Variants in ADCY3 observed in about 807,000 individuals in gnomAD.
ADCY3 encodes adenylate cyclase 3.
Under a neutral mutation model 119.4 loss-of-function variants are expected in ADCY3, and 70 were observed. That is an observed-to-expected ratio of 0.59 (90% confidence interval 0.48 to 0.72). ADCY3 has a LOEUF of 0.72. Ranked by LOEUF, ADCY3 falls within the 30% of genes least tolerant of loss-of-function variation. The pLI is 0.00. For missense variants in ADCY3, 1,238 were observed against 1,541.6 expected (o/e 0.80, Z 3.30); for synonymous variants, 672 against 621.4 (o/e 1.08, Z -1.21).
At chr2:24,916,431 C>G (rs543894455) in intron 2 of ADCY3, among the ~76,000 whole-genome samples, 3 of 152,338 alleles carry the variant, frequency 2.0e-5, no homozygotes, top group African/African-American at 7.2e-5. Flanking sequence ...CGCCTGTAAT[C>G]CCAGCACTTT....
intron 2 of ADCY3, among the ~76,000 whole-genome samples, chr2:24,913,350 G>A (rs1045579993): frequency 6.6e-6 from 1 of 152,224 alleles, no homozygotes. Flanking sequence ...TGGGGAGAAG[G>A]GGGTGCCTCC....
rs200250709 is a variant in ADCY3 at position 24,918,900 on chromosome 2, G to A, written c.88C>T (p.Arg30Cys). ...YSVSLPSDPD[R>C]GVGRTHEISV... ...ATTTCATGGGTCCGGCCCACCCCGC[G>A]GTCAGGGTCGGAGGGCAGGCTGACG... Residue 30 changes from arginine to cysteine, a missense_variant, in exon 2 of 22, where the codon CGC becomes TGC. This residue lies in a region of ADCY3 where 227 missense variants were observed against 249.3 expected (regional missense o/e 0.91). Coordinates refer to ENST00000679454, the MANE Select transcript of ADCY3 (RefSeq NM_004036.5). The surrounding 1 kb of genome is among the most constrained non-coding windows in gnomAD (Gnocchi z 5.4). The A allele has an allele frequency of 1.3e-5, 21 of 1,612,844 alleles. No individual in the cohort carries two copies. In the East Asian group the frequency reaches 3.1e-4, roughly 24 times the overall value.
At position 24,841,522 on chromosome 2, in the gene ADCY3, C is replaced by G; in HGVS notation, c.1068+34G>C. 6.2e-7 allele frequency: 1 copy of G among 1,602,680 alleles called. No homozygotes were observed. The highest frequency in any genetic ancestry group is 8.5e-7 in the Non-Finnish European group (1 of 1,173,808). ...CCAGGCAGAGGCCATGAGGGCAGGCCCCGCTGGAGAGCCAGGCGGGGCCAG... is the reference window on the plus strand; with the variant it reads ...CCAGGCAGAGGCCATGAGGGCAGGCGCCGCTGGAGAGCCAGGCGGGGCCAG... On this transcript the variant is annotated intron_variant, in intron 5 of 21. Transcript: ENST00000679454. The surrounding 1 kb of genome is among the most constrained non-coding windows in gnomAD (Gnocchi z 5.8).
chr2:24,834,909 G>A lies in ADCY3; in HGVS notation c.1690C>T (p.Arg564Cys), dbSNP rs556297847. 10 of 1,613,666 alleles carry A rather than the reference G, an allele frequency of 6.2e-6. No individual in the cohort carries two copies. The highest frequency in any genetic ancestry group is 1.1e-5 in the South Asian group (1 of 91,046). The change falls in exon 10 of 22, where the codon CGC becomes TGC. Residue 564 changes from arginine to cysteine, a missense_variant. Transcript: ENST00000679454. The surrounding 1 kb of genome is among the most constrained non-coding windows in gnomAD (Gnocchi z 4.2). ...QADNPSFPNP[R>C]RRLRLQDLAD... ...AGGTCCTGCAGGCGCAGCCTCCGGCGTGGGTTGGGGAATGAGGGGTTGTCG... is the reference window on the plus strand; with the variant it reads ...AGGTCCTGCAGGCGCAGCCTCCGGCATGGGTTGGGGAATGAGGGGTTGTCG...
intron 2 of ADCY3, among the ~76,000 whole-genome samples, chr2:24,880,517 T>A (rs987515705): frequency 6.6e-6 from 1 of 152,220 alleles, no homozygotes; most frequent in Non-Finnish European, 1.5e-5. Flanking sequence ...GAGGTCCACA[T>A]GTTATGACGA....
intron 3 of ADCY3, among the ~76,000 whole-genome samples, chr2:24,855,677 T>A (rs1672910152): frequency 1.3e-5 from 2 of 152,124 alleles, no homozygotes; most frequent in South Asian, 4.2e-4. Context: ...GCCCTGGAAG[T>A]TCCTAGTAGG....
At chr2:24,911,594 G>T (rs1663653975) in intron 2 of ADCY3, among the ~76,000 whole-genome samples, 1 of 143,570 alleles carries the variant, frequency 7.0e-6, no homozygotes, top group Non-Finnish European at 1.5e-5. Context: ...AGGCTGCAGT[G>T]AGCCAAGATA....
rs146820143 is a variant in ADCY3, at chr2:24,907,183, C to G, written c.675+11130G>C. ...GGAATAAATTCCTCAGGGCCTGGTC[C>G]CCTTGGGTGAGAAACTGCCCCCAAG... On this transcript the variant is annotated intron_variant, in intron 2 of 21. Transcript: ENST00000679454. Among the ~76,000 whole-genome samples the G allele has an allele frequency of 7.2e-4, 109 of 151,978 alleles. 1 individual carries two copies. The highest frequency in any genetic ancestry group is 2.6e-3 in the African/African-American group (106 of 41,450).
At chr2:24,879,443 ACT>A (rs989595575) in intron 2 of ADCY3, among the ~76,000 whole-genome samples, 2 of 125,986 alleles carry the variant, frequency 1.6e-5, no homozygotes, top group African/African-American at 3.3e-5. Flanking sequence ...ACAGAGCGAG[ACT>A]CTGTCTCAAA....
chr2:24,868,015 G>A (rs1338314223), intron 3 of ADCY3, among the ~76,000 whole-genome samples: 2 of 152,108 alleles, frequency 1.3e-5, no homozygotes, highest in African/African-American at 2.4e-5. Flanking sequence ...ATTTTTTAAA[G>A]ATTTTGACAG....
In ADCY3 at chr2:24,834,411, A is replaced by ACCCCGGC; in HGVS notation, c.1967+73_1967+74insGCCGGGG. Reference sequence around the variant, plus strand: ...TCCCCAATGTCAGGCTCCCGCTGAGACACCTGCCCCCGCCCCCCGCCCGGC... The same window carrying ACCCCGGC: ...TCCCCAATGTCAGGCTCCCGCTGAGACCCCGGCCACCTGCCCCCGCCCCCCGCCCGGC... On this transcript the variant is annotated intron_variant, in intron 11 of 21. Coordinates refer to ENST00000679454, the MANE Select transcript of ADCY3 (RefSeq NM_004036.5). This position sits in a 1 kb window ranked among gnomAD's most constrained non-coding sequence, Gnocchi z 4.2. The ACCCCGGC allele has an allele frequency of 1.6e-6, 2 of 1,237,220 alleles. No individual in the cohort carries two copies. Among genetic ancestry groups the ACCCCGGC allele is most frequent in the Non-Finnish European group, 2.3e-6 (2 of 885,548 alleles). 76.6% of individuals were successfully genotyped at this position (1,237,220 alleles called of 1,614,324 possible). A position where few individuals can be genotyped will look rare whatever the true frequency, so the allele number is the denominator to read the frequency against.
intron 3 of ADCY3, among the ~76,000 whole-genome samples, chr2:24,853,815 C>A (rs1672688986): frequency 6.6e-6 from 1 of 152,168 alleles, no homozygotes; most frequent in African/African-American, 2.4e-5. Flanking sequence ...AAGCTCCTGG[C>A]ACTGGGCATT....
At chr2:24,885,728 A>C (rs565448055) in intron 2 of ADCY3, among the ~76,000 whole-genome samples, 1 of 152,316 alleles carries the variant, frequency 6.6e-6, no homozygotes, top group South Asian at 2.1e-4. Context: ...ATATTTTTGC[A>C]AGTACCACCT....
At position 24,909,095 on chromosome 2, in the gene ADCY3, T is replaced by C. The variant is rs181081914; in HGVS notation, c.675+9218A>G. Among the ~76,000 whole-genome samples the C allele has an allele frequency of 3.3e-5, 5 of 152,314 alleles. No homozygotes were observed. In the East Asian group the frequency reaches 9.6e-4, roughly 29 times the overall value. On this transcript the variant is annotated intron_variant, in intron 2 of 21. Coordinates refer to ENST00000679454, the MANE Select transcript of ADCY3 (RefSeq NM_004036.5). ...GGTCTGGTATACAGAAGGTGTTCAATAACTTTCCACTGAATAATCTGAAAG... is the reference window on the plus strand; with the variant it reads ...GGTCTGGTATACAGAAGGTGTTCAACAACTTTCCACTGAATAATCTGAAAG...
intron 2 of ADCY3, among the ~76,000 whole-genome samples, chr2:24,879,131 G>A (rs1251065087): frequency 2.0e-5 from 3 of 152,126 alleles, no homozygotes; most frequent in Non-Finnish European, 4.4e-5. Flanking sequence ...CTGCCTCTCT[G>A]ACATGGCTCC....
chr2:24,835,151 G>C (rs1670135226), intron 9 of ADCY3, among the ~76,000 whole-genome samples: 1 of 152,130 alleles, frequency 6.6e-6, no homozygotes, highest in African/African-American at 2.4e-5. Context: ...GTCTTTCCTG[G>C]CTCCCCGGGC....
At chr2:24,911,657 A>AACACAC (rs1553367741) in intron 2 of ADCY3, among the ~76,000 whole-genome samples, 10 of 138,244 alleles carry the variant, frequency 7.2e-5, no homozygotes, top group Middle Eastern at 3.5e-3. Flanking sequence ...AAAAAAAAAA[A>AACACAC]ACACACACAC....
At chr2:24,892,145 T>A (rs1425741951) in intron 2 of ADCY3, among the ~76,000 whole-genome samples, 2 of 152,246 alleles carry the variant, frequency 1.3e-5, no homozygotes, top group Non-Finnish European at 2.9e-5. Context: ...GGCATGTGTT[T>A]CCAAATATTT....
At chr2:24,823,447 T>G (rs1668088256) in intron 17 of ADCY3, 92 bp from the exon 18 acceptor site, 1 of 1,413,112 alleles carries the variant, frequency 7.1e-7, no homozygotes, top group East Asian at 2.5e-5. Context: ...GCATGACATG[T>G]GCACTCAGCT....
Sources: allele counts gnomAD v4.1 joint callset (sites outside exome capture counted in the v4.1 genomes callset), GRCh38; gene constraint gnomAD v4.1.1; regional missense constraint gnomAD v4.1.1; non-coding constraint Gnocchi (gnomAD v3.1); transcripts MANE v1.5; gene names NCBI Gene and HGNC (gene_info 2026-07-23, HGNC 2026-07-21).